The following GNG7 variants were observed in gnomAD, a reference collection of about 807,000 sequenced individuals.
The protein encoded by GNG7 is guanine nucleotide-binding protein G(I)/G(S)/G(O) subunit gamma-7.
GNG7 carries 1 observed loss-of-function variant against 4.0 expected under a neutral mutation model. The observed-to-expected ratio is 0.25, with a 90% CI of 0.09 to 1.18. The LOEUF is 1.18. Ranked by LOEUF, GNG7 falls within the 50% of genes most tolerant of loss-of-function variation. The pLI is 0.50. For synonymous variants in GNG7, 34 were observed against 36.9 expected, an observed-to-expected ratio of 0.92 and a Z score of 0.29; for missense variants, 86 against 91.9, an observed-to-expected ratio of 0.94 and a Z score of 0.26.
At position 2,513,332 on chromosome 19, in the gene GNG7, TCTA is replaced by T. The variant is rs1972682419; in HGVS notation, c.*1687_*1689del. 3.0e-6 allele frequency: 1 copy of T among 329,848 alleles called. No homozygotes were observed. The highest frequency in any genetic ancestry group is 2.2e-5 in the African/African-American group (1 of 44,650). 20.4% of individuals were successfully genotyped at this position (329,848 alleles called of 1,614,324 possible). On this transcript the variant is annotated 3_prime_UTR_variant, in exon 5 of 5. Transcript: ENST00000382159. ...AGGGACAGGACTAGGCTAGTTTTAT[TCTA>T]CTACTTGCTTCTAGGCCAGCCCCGT...
chr19:2,515,980 G>T (rs1348751256), intron 4 of GNG7, among the ~76,000 whole-genome samples: 1 of 151,740 alleles, frequency 6.6e-6, no homozygotes, highest in African/African-American at 2.4e-5. Context: ...GTTGGGAGGC[G>T]GAGGCGGGAG....
chr19:2,647,047 G>A (rs566880200), intron 1 of GNG7, among the ~76,000 whole-genome samples: 3 of 152,286 alleles, frequency 2.0e-5, no homozygotes, highest in South Asian at 4.2e-4. Flanking sequence ...GCAGAACCAG[G>A]CTGGCACCAC....
intron 2 of GNG7, among the ~76,000 whole-genome samples, chr19:2,598,423 C>T (rs1272129958): frequency 4.0e-5 from 6 of 150,788 alleles, no homozygotes; most frequent in Admixed American, 6.6e-5. Flanking sequence ...TTTGGGAGGC[C>T]GAGGCGGGCG....
intron 2 of GNG7, among the ~76,000 whole-genome samples, chr19:2,627,004 A>G (rs960914275): frequency 6.6e-6 from 1 of 152,126 alleles, no homozygotes; most frequent in Non-Finnish European, 1.5e-5. Flanking sequence ...CTCCAGATGG[A>G]GCAGACGGCA....
At chr19:2,670,953 G>A (rs1357876319) in intron 1 of GNG7, among the ~76,000 whole-genome samples, 1 of 152,164 alleles carries the variant, frequency 6.6e-6, no homozygotes, top group African/African-American at 2.4e-5. Flanking sequence ...ACCCTGAGTG[G>A]GGAGGGAGAG....
At chr19:2,596,826 C>T (rs564647626) in intron 2 of GNG7, among the ~76,000 whole-genome samples, 9 of 152,166 alleles carry the variant, frequency 5.9e-5, no homozygotes, top group Non-Finnish European at 8.8e-5. Context: ...TCCTGCAGTA[C>T]GAGACTTCTT....
intron 1 of GNG7, among the ~76,000 whole-genome samples, chr19:2,694,423 G>C (rs1198908239): frequency 6.6e-6 from 1 of 152,070 alleles, no homozygotes; most frequent in African/African-American, 2.4e-5. Context: ...TCCTGGCGTG[G>C]AGTGGGTGGA....
chr19:2,656,605 GAGAA>G (rs1328237329), intron 1 of GNG7, among the ~76,000 whole-genome samples: 11 of 152,120 alleles, frequency 7.2e-5, no homozygotes. Context: ...ATCAAAAAAA[GAGAA>G]AGAAAGATGA....
At position 2,575,888 on chromosome 19, in the gene GNG7, C is replaced by T. The variant is rs902606073; in HGVS notation, c.-77-20700G>A. Among the ~76,000 whole-genome samples, 21 of 151,290 alleles carry T rather than the reference C, an allele frequency of 1.4e-4. No individual in the cohort carries two copies. In the South Asian group the frequency reaches 2.1e-3, roughly 15 times the overall value. On this transcript the variant is annotated intron_variant, in intron 2 of 4. Transcript: ENST00000382159. ...GCAGACACAGGCACACGCAGGCACACGCAGACACGCAGGCACACGCAGGCA... is the reference window on the plus strand; with the variant it reads ...GCAGACACAGGCACACGCAGGCACATGCAGACACGCAGGCACACGCAGGCA...
At chr19:2,580,144 G>A (rs1408507625) in intron 2 of GNG7, among the ~76,000 whole-genome samples, 1 of 152,158 alleles carries the variant, frequency 6.6e-6, no homozygotes, top group African/African-American at 2.4e-5. Context: ...GCCCATACAC[G>A]CAGCTGAGTG....
intron 3 of GNG7, among the ~76,000 whole-genome samples, chr19:2,521,613 T>TTTTTG (rs1276875803): frequency 1.2e-4 from 1 of 8,398 alleles, no homozygotes; most frequent in African/African-American, 7.4e-4. Context: ...CCCCTCCGTG[T>TTTTTG]TTTTTTTTTT....
At chr19:2,606,923 T>C (rs1447448221) in intron 2 of GNG7, among the ~76,000 whole-genome samples, 1 of 151,626 alleles carries the variant, frequency 6.6e-6, no homozygotes, top group East Asian at 1.9e-4. Flanking sequence ...TTGCAAACTT[T>C]TGAACAGTAA....
chr19:2,539,282 A>G (rs1488454144), intron 3 of GNG7, among the ~76,000 whole-genome samples: 1 of 151,402 alleles, frequency 6.6e-6, no homozygotes, highest in African/African-American at 2.4e-5. Flanking sequence ...TATTTTCACA[A>G]ACTGAGAAAT....
rs533098883 is a variant in GNG7, at chr19:2,557,166, GCA to G, written c.-77-1980_-77-1979del. On this transcript the variant is annotated intron_variant, in intron 2 of 4. Transcript: ENST00000382159. The surrounding 1 kb of genome is among the most constrained non-coding windows in gnomAD (Gnocchi z 5.1). ...CACGCACATGCACACAAAGACACGCGCACACACGTACACACAAGACACGTGCA... is the reference window on the plus strand; with the variant it reads ...CACGCACATGCACACAAAGACACGCGCACACGTACACACAAGACACGTGCA... 1.1e-3 allele frequency among the ~76,000 whole-genome samples: 162 copies of G among 150,060 alleles called. No individual in the cohort carries two copies. Among genetic ancestry groups the G allele is most frequent in the Non-Finnish European group, 1.7e-3 (118 of 67,640 alleles).
intron 2 of GNG7, among the ~76,000 whole-genome samples, chr19:2,598,728 T>C (rs1178010116): frequency 6.7e-6 from 1 of 149,800 alleles, no homozygotes; most frequent in Non-Finnish European, 1.5e-5. Context: ...ATAATAATGC[T>C]ACTTGGGCAT....
In GNG7 at chr19:2,549,632, G is replaced by T. The variant is rs375842215; in HGVS notation, c.-38+5517C>A. On this transcript the variant is annotated intron_variant, in intron 3 of 4. Coordinates refer to ENST00000382159, the MANE Select transcript of GNG7 (RefSeq NM_052847.3). ...GAGGTTTGCACGGGGCCGGGGCATTGTAAGGCTAAGCATGGGAATTTCAGT... is the reference window on the plus strand; with the variant it reads ...GAGGTTTGCACGGGGCCGGGGCATTTTAAGGCTAAGCATGGGAATTTCAGT... Among the ~76,000 whole-genome samples the T allele has an allele frequency of 3.3e-5, 5 of 152,208 alleles. 1 individual carries two copies. The highest frequency in any genetic ancestry group is 4.1e-4 in the South Asian group (2 of 4,822).
At chr19:2,643,589 G>A (rs1243519714) in intron 2 of GNG7, 6 of 438,042 alleles carry the variant, frequency 1.4e-5, no homozygotes, top group Non-Finnish European at 2.3e-5. Context: ...CACACCTTCC[G>A]GCCCGGCTCC....
chr19:2,682,642 C>T (rs1214572964), intron 1 of GNG7, among the ~76,000 whole-genome samples: 4 of 116,542 alleles, frequency 3.4e-5, no homozygotes, highest in African/African-American at 7.1e-5. Flanking sequence ...GGCAACAGGG[C>T]GAGACTCCAT....
chr19:2,550,684 C>G (rs1422228234), intron 3 of GNG7, among the ~76,000 whole-genome samples: 1 of 152,108 alleles, frequency 6.6e-6, no homozygotes, highest in Non-Finnish European at 1.5e-5. Context: ...TCTCGTGACT[C>G]CAATCCCGCT....
Sources: gnomAD v4.1 joint callset for allele counts (sites outside exome capture counted in the v4.1 genomes callset) on GRCh38, gnomAD v4.1.1 for gene constraint, Gnocchi (gnomAD v3.1) non-coding constraint, MANE v1.5 for transcripts, NCBI Gene and HGNC (gene_info 2026-07-23, HGNC 2026-07-21) for gene names.